TAFA2: variants seen among roughly 807,000 people sequenced by gnomAD.
TAFA2 encodes the protein TAFA chemokine like family member 2.
Under a neutral mutation model 18.8 loss-of-function variants are expected in TAFA2, and 7 were observed. The observed-to-expected ratio is 0.37, with a 90% CI of 0.21 to 0.70. The LOEUF (loss-of-function observed/expected upper bound fraction) is 0.70. Ranked by LOEUF, TAFA2 falls within the 30% of genes least tolerant of loss-of-function variation. The pLI is 0.53. For synonymous variants in TAFA2, 60 were observed against 54.2 expected, an observed-to-expected ratio of 1.11 and a Z score of -0.47; for missense variants, 122 against 158.1, an observed-to-expected ratio of 0.77 and a Z score of 1.23.
chr12:61,897,438 A>G (rs970829145), intron 1 of TAFA2, among the ~76,000 whole-genome samples: 6 of 152,186 alleles, frequency 3.9e-5, no homozygotes, highest in Non-Finnish European at 7.3e-5. Context: ...ATAAAAAAAA[A>G]GAAGTTTAAT....
intron 1 of TAFA2, among the ~76,000 whole-genome samples, chr12:62,032,748 G>A (rs1207444561): frequency 2.6e-5 from 4 of 152,038 alleles, no homozygotes; most frequent in East Asian, 1.9e-4. Flanking sequence ...ATATTTATGG[G>A]CATCGAGAGT....
chr12:61,985,571 C>T (rs950818272), intron 1 of TAFA2, among the ~76,000 whole-genome samples: 5 of 152,120 alleles, frequency 3.3e-5, no homozygotes, highest in Non-Finnish European at 7.3e-5. Flanking sequence ...ACACTCTCCC[C>T]TGTTCGATAT....
intron 4 of TAFA2, among the ~76,000 whole-genome samples, chr12:61,734,864 C>T (rs762113189): frequency 6.6e-6 from 1 of 151,972 alleles, no homozygotes; most frequent in South Asian, 2.1e-4. Flanking sequence ...CCCTTCATCA[C>T]CCCTTCTTTC....
At chr12:62,213,416 G>A (rs1399691820) in intron 1 of TAFA2, among the ~76,000 whole-genome samples, 2 of 152,060 alleles carry the variant, frequency 1.3e-5, no homozygotes, top group Non-Finnish European at 2.9e-5. Flanking sequence ...AGGCCGAGGT[G>A]GGCAGATCAT....
At chr12:61,841,420 G>A (rs1359946711) in intron 2 of TAFA2, among the ~76,000 whole-genome samples, 1 of 152,004 alleles carries the variant, frequency 6.6e-6, no homozygotes, top group Non-Finnish European at 1.5e-5. Flanking sequence ...TTTCTCTATT[G>A]TGTGTTCTTG....
intron 1 of TAFA2, among the ~76,000 whole-genome samples, chr12:62,065,422 G>C (rs1317102729): frequency 6.6e-6 from 1 of 152,026 alleles, no homozygotes; most frequent in African/African-American, 2.4e-5. Flanking sequence ...GATTATAGCA[G>C]AGAGCCTCTT....
chr12:61,894,500 T>C (rs1875759987), intron 1 of TAFA2, among the ~76,000 whole-genome samples: 1 of 152,162 alleles, frequency 6.6e-6, no homozygotes, highest in Non-Finnish European at 1.5e-5. Flanking sequence ...AGTGCTACAT[T>C]TGGGGAGCAC....
chr12:62,132,329 A>G (rs919633990), intron 1 of TAFA2, among the ~76,000 whole-genome samples: 11 of 151,714 alleles, frequency 7.3e-5, no homozygotes, highest in African/African-American at 2.4e-4. Context: ...TCCAGGAGAC[A>G]CTGAGGGTAT....
chr12:62,220,372 T>C (rs1259660354), intron 1 of TAFA2, among the ~76,000 whole-genome samples: 1 of 152,194 alleles, frequency 6.6e-6, no homozygotes, highest in Non-Finnish European at 1.5e-5. Context: ...CCTGTAAGAA[T>C]GGTCAAAATC....
At chr12:61,915,711 C>G (rs1390259873) in intron 1 of TAFA2, among the ~76,000 whole-genome samples, 1 of 152,178 alleles carries the variant, frequency 6.6e-6, no homozygotes, top group Non-Finnish European at 1.5e-5. Context: ...ACTCCGAAAG[C>G]CTGATAGTCT....
At chr12:61,868,183 C>T (rs1191069201) in intron 1 of TAFA2, among the ~76,000 whole-genome samples, 5 of 152,174 alleles carry the variant, frequency 3.3e-5, no homozygotes, top group Admixed American at 2.0e-4. Context: ...GCACTTTCTA[C>T]AGCATTCTTT....
intron 1 of TAFA2, among the ~76,000 whole-genome samples, chr12:62,009,725 G>A (rs1880668042): frequency 6.6e-6 from 1 of 152,076 alleles, no homozygotes; most frequent in Non-Finnish European, 1.5e-5. Context: ...TCCTTGTTTT[G>A]CAGATGAGGA....
At chr12:61,767,615 G>A (rs574962620) in intron 2 of TAFA2, among the ~76,000 whole-genome samples, 11 of 151,998 alleles carry the variant, frequency 7.2e-5, no homozygotes, top group Non-Finnish European at 1.3e-4. Context: ...TCTCACACAC[G>A]GAAGGTTTGC....
At chr12:61,877,578 A>G (rs1239797387) in intron 1 of TAFA2, among the ~76,000 whole-genome samples, 1 of 152,184 alleles carries the variant, frequency 6.6e-6, no homozygotes, top group Non-Finnish European at 1.5e-5. Flanking sequence ...GGGGATATGA[A>G]GAACTAGTCC....
At chr12:62,048,477 T>G (rs1881966495) in intron 1 of TAFA2, among the ~76,000 whole-genome samples, 1 of 152,152 alleles carries the variant, frequency 6.6e-6, no homozygotes, top group African/African-American at 2.4e-5. Context: ...AAGATGAGAT[T>G]TGGGTGGGCA....
chr12:62,022,148 A>ATAATGAT (rs1215292844), intron 1 of TAFA2: 4 of 429,936 alleles, frequency 9.3e-6, no homozygotes, highest in Non-Finnish European at 1.9e-5. Flanking sequence ...GGTGGCTAAG[A>ATAATGAT]TAATGATTTC....
upstream of TAFA2, among the ~76,000 whole-genome samples, chr12:62,197,041 G>A (rs2062651830): frequency 6.6e-6 from 1 of 152,182 alleles, no homozygotes; most frequent in South Asian, 2.1e-4. Context: ...ATCAGCTGCG[G>A]CATTAGATTC....
At chr12:62,241,233 G>T (rs889442709) in intron 1 of TAFA2, among the ~76,000 whole-genome samples, 1 of 152,142 alleles carries the variant, frequency 6.6e-6, no homozygotes, top group African/African-American at 2.4e-5. Context: ...TAAGCAAGCA[G>T]CAAAGATAGG....
At chr12:61,734,179 A>G (rs1002704477) in intron 4 of TAFA2, among the ~76,000 whole-genome samples, 10 of 151,956 alleles carry the variant, frequency 6.6e-5, no homozygotes, top group African/African-American at 2.4e-4. Context: ...TTGGGCTGAG[A>G]TAATGGGGTT....
Sources: allele counts gnomAD v4.1 joint callset (sites outside exome capture counted in the v4.1 genomes callset), GRCh38; gene constraint gnomAD v4.1.1; transcripts MANE v1.5; gene names NCBI Gene and HGNC (gene_info 2026-07-23, HGNC 2026-07-21).